CADPS2: variants seen among roughly 807,000 people sequenced by gnomAD.
CADPS2 encodes calcium-dependent secretion activator 2.
A neutral mutation model predicts 172.5 loss-of-function variants in CADPS2; 93 were observed. That is an observed-to-expected ratio of 0.54 (90% CI 0.46 to 0.64). The LOEUF is 0.64. CADPS2 is among the 30% of genes least tolerant of loss of function. The pLI is 0.00. For synonymous variants in CADPS2, 546 were observed against 555.2 expected (o/e 0.98, Z 0.23); for missense variants, 1,420 against 1,565.9 (o/e 0.91, Z 1.57).
intron 9 of CADPS2, among the ~76,000 whole-genome samples, chr7:122,496,578 T>C (rs1455562024): frequency 6.6e-6 from 1 of 152,244 alleles, no homozygotes; most frequent in Non-Finnish European, 1.5e-5. Context: ...AGCATTTTTA[T>C]GAGTTCTGTT....
intron 27 of CADPS2, among the ~76,000 whole-genome samples, chr7:122,349,782 G>A (rs1300384207): frequency 6.6e-6 from 1 of 152,104 alleles, no homozygotes; most frequent in Admixed American, 6.5e-5. Flanking sequence ...TTAATTATAT[G>A]CTGCAAACGC....
chr7:122,821,440 A>G (rs1028764180), intron 1 of CADPS2, among the ~76,000 whole-genome samples: 1 of 152,114 alleles, frequency 6.6e-6, no homozygotes, highest in Non-Finnish European at 1.5e-5. Context: ...CTACACATCA[A>G]GCTCAAGGAT....
intron 16 of CADPS2, among the ~76,000 whole-genome samples, chr7:122,438,998 C>G (rs762805641): frequency 6.6e-6 from 1 of 151,672 alleles, no homozygotes; most frequent in African/African-American, 2.4e-5. Flanking sequence ...GTGAATACCA[C>G]GGCAGTGTAT....
At chr7:122,691,050 G>C (rs1564075633) in intron 2 of CADPS2, among the ~76,000 whole-genome samples, 1 of 152,218 alleles carries the variant, frequency 6.6e-6, no homozygotes, top group African/African-American at 2.4e-5. Flanking sequence ...TAACTCTGCT[G>C]CTAAGGGACT....
intron 9 of CADPS2, among the ~76,000 whole-genome samples, chr7:122,492,880 A>C (rs1246760188): frequency 6.6e-6 from 1 of 152,056 alleles, no homozygotes; most frequent in Non-Finnish European, 1.5e-5. Context: ...AAAAATATTT[A>C]TAGAGAAAAG....
chr7:122,859,890 C>G (rs964417819), intron 1 of CADPS2, among the ~76,000 whole-genome samples: 3 of 151,912 alleles, frequency 2.0e-5, no homozygotes, highest in East Asian at 3.9e-4. Context: ...TCCTTGGACC[C>G]CATGGATGTG....
At chr7:122,716,775 A>T (rs534124559) in intron 2 of CADPS2, among the ~76,000 whole-genome samples, 52 of 152,244 alleles carry the variant, frequency 3.4e-4, no homozygotes, top group African/African-American at 1.0e-3. Flanking sequence ...AGTAAAAGGT[A>T]GAGTGCGACC....
intron 2 of CADPS2, among the ~76,000 whole-genome samples, chr7:122,712,826 G>A (rs1322407172): frequency 6.6e-6 from 1 of 152,016 alleles, no homozygotes; most frequent in Non-Finnish European, 1.5e-5. Flanking sequence ...TTCTTACATT[G>A]TGGAAAGAGT....
At chr7:122,415,231 T>TA (rs1238784993) in intron 18 of CADPS2, among the ~76,000 whole-genome samples, 2 of 152,328 alleles carry the variant, frequency 1.3e-5, no homozygotes, top group East Asian at 3.8e-4. Flanking sequence ...ACCATACGCT[T>TA]ATGATTGTTT....
chr7:122,573,938 A>G (rs1381057072), intron 7 of CADPS2, among the ~76,000 whole-genome samples: 2 of 152,130 alleles, frequency 1.3e-5, no homozygotes, highest in African/African-American at 2.4e-5. Context: ...TTTATCTTCT[A>G]TTGCACTGGG....
intron 8 of CADPS2, among the ~76,000 whole-genome samples, chr7:122,535,699 T>C (rs1018380117): frequency 6.6e-6 from 1 of 152,116 alleles, no homozygotes; most frequent in Non-Finnish European, 1.5e-5. Context: ...GGATTTTTGA[T>C]AATAACTCAT....
At chr7:122,869,567 C>CA (rs150763303) in intron 1 of CADPS2, among the ~76,000 whole-genome samples, 8,406 of 144,422 alleles carry the variant, frequency 0.058, 764 homozygotes, top group African/African-American at 0.2. Flanking sequence ...ACCTGCTTTA[C>CA]AAAAAAAAAA....
chr7:122,732,685 C>T (rs2091764764), intron 2 of CADPS2, among the ~76,000 whole-genome samples: 2 of 143,182 alleles, frequency 1.4e-5, no homozygotes, highest in East Asian at 4.0e-4. Flanking sequence ...GTAATAAATA[C>T]ATATATTTAC....
intron 27 of CADPS2, 112 bp downstream of exon 27, chr7:122,360,676 A>T: frequency 1.1e-6 from 1 of 897,832 alleles, no homozygotes; most frequent in Non-Finnish European, 1.7e-6. Flanking sequence ...AAAATAAACT[A>T]CTCCCTAAGG....
chr7:122,414,290 T>C (rs1423290405), intron 18 of CADPS2, among the ~76,000 whole-genome samples: 7 of 152,224 alleles, frequency 4.6e-5, no homozygotes, highest in Non-Finnish European at 1.0e-4. Flanking sequence ...GGATACATTA[T>C]ACTTTGACAA....
intron 2 of CADPS2, among the ~76,000 whole-genome samples, chr7:122,714,679 C>A (rs1029198583): frequency 6.6e-6 from 1 of 152,112 alleles, no homozygotes; most frequent in South Asian, 2.1e-4. Context: ...CATTGCCACT[C>A]ATAGGAATAA....
chr7:122,644,915 G>A (rs888513591), intron 3 of CADPS2, among the ~76,000 whole-genome samples: 3 of 152,006 alleles, frequency 2.0e-5, no homozygotes, highest in African/African-American at 4.8e-5. Flanking sequence ...TAAAAAATCT[G>A]ACTCACAAAT....
intron 14 of CADPS2, among the ~76,000 whole-genome samples, chr7:122,452,777 T>C (rs2053289041): frequency 6.6e-6 from 1 of 152,166 alleles, no homozygotes; most frequent in South Asian, 2.1e-4. Context: ...TTAATGGTTA[T>C]ATATAAAATA....
At chr7:122,466,012 C>T (rs2055088893) in intron 14 of CADPS2, among the ~76,000 whole-genome samples, 1 of 152,140 alleles carries the variant, frequency 6.6e-6, no homozygotes, top group African/African-American at 2.4e-5. Context: ...GAAAAACTTA[C>T]TGTGTTAAAA....
Sources: allele counts gnomAD v4.1 joint callset (sites outside exome capture counted in the v4.1 genomes callset), GRCh38; gene constraint gnomAD v4.1.1; transcripts MANE v1.5; gene names NCBI Gene and HGNC (gene_info 2026-07-23, HGNC 2026-07-21).